ATP13A3: variants seen among roughly 807,000 people sequenced by gnomAD.
ATP13A3 encodes polyamine-transporting ATPase 13A3.
Under a neutral mutation model 158.1 loss-of-function variants are expected in ATP13A3, and 59 were observed. The observed-to-expected ratio is 0.37, with a 90% CI of 0.30 to 0.46. ATP13A3 has a LOEUF of 0.46. ATP13A3 is among the 20% of genes least tolerant of loss of function. ATP13A3 has a pLI of 1.00. For synonymous variants in ATP13A3, 491 were observed against 504.3 expected, an observed-to-expected ratio of 0.97 and a Z score of 0.35; for missense variants, 1,166 against 1,525.2, an observed-to-expected ratio of 0.76 and a Z score of 3.92.
chr3:194,492,889 A>G (rs1311833650), intron 2 of ATP13A3, among the ~76,000 whole-genome samples: 3 of 152,194 alleles, frequency 2.0e-5, no homozygotes, highest in Non-Finnish European at 2.9e-5. Context: ...ACACTTATGT[A>G]AGATTGAAAA....
chr3:194,460,208 T>C (rs1487430683), intron 4 of ATP13A3, among the ~76,000 whole-genome samples: 1 of 152,170 alleles, frequency 6.6e-6, no homozygotes, highest in South Asian at 2.1e-4. Context: ...CAATACTTCA[T>C]AAAATATCAT....
intron 2 of ATP13A3, among the ~76,000 whole-genome samples, chr3:194,469,324 G>T (rs9846638): frequency 0.11 from 15,992 of 151,912 alleles, 1,406 homozygotes; most frequent in African/African-American, 0.24. Context: ...CAGGTGTGGT[G>T]GTGCATATCT....
intron 7 of ATP13A3, among the ~76,000 whole-genome samples, chr3:194,456,848 C>T (rs1399038679): frequency 2.6e-5 from 4 of 152,094 alleles, no homozygotes; most frequent in Non-Finnish European, 4.4e-5. Context: ...AAAACGTGCA[C>T]CTGGGAACTG....
intron 2 of ATP13A3, among the ~76,000 whole-genome samples, chr3:194,477,738 C>T (rs1720586812): frequency 6.6e-6 from 1 of 152,082 alleles, no homozygotes; most frequent in Admixed American, 6.6e-5. Context: ...AAAGACTGGC[C>T]CAGAAGCATC....
intron 11 of ATP13A3, among the ~76,000 whole-genome samples, chr3:194,449,338 T>C (rs1718637943): frequency 6.6e-6 from 1 of 152,004 alleles, no homozygotes; most frequent in South Asian, 2.1e-4. Context: ...ATAAATCATT[T>C]TCTAGCCAGA....
intron 9 of ATP13A3, 22 bp downstream of exon 9, chr3:194,454,236 C>T (rs767438327): frequency 6.3e-7 from 1 of 1,579,774 alleles, no homozygotes; most frequent in Non-Finnish European, 8.7e-7. Context: ...AGTTGTGAAA[C>T]CCATAATAAA....
At chr3:194,411,556 C>G (rs770197253) in intron 33 of ATP13A3, among the ~76,000 whole-genome samples, 1 of 152,188 alleles carries the variant, frequency 6.6e-6, no homozygotes, top group Admixed American at 6.5e-5. Flanking sequence ...TGTTTCTCTT[C>G]TCTCTTTACC....
chr3:194,426,645 C>T (rs1369852514), intron 29 of ATP13A3, among the ~76,000 whole-genome samples: 2 of 152,070 alleles, frequency 1.3e-5, no homozygotes, highest in Non-Finnish European at 1.5e-5. Flanking sequence ...CAGGCGTGAC[C>T]GTGATATACA....
chr3:194,482,989 C>T (rs571213634), intron 2 of ATP13A3, among the ~76,000 whole-genome samples: 1 of 152,076 alleles, frequency 6.6e-6, no homozygotes, highest in South Asian at 2.1e-4. Context: ...CACCTGTAAT[C>T]CCAGCTACTC....
At chr3:194,424,299 T>TA (rs1257720478) in intron 30 of ATP13A3, 2 of 151,694 alleles carry the variant, frequency 1.3e-5, no homozygotes, top group East Asian at 3.9e-4. Context: ...TATATAACAA[T>TA]AAATAAGTAA....
At chr3:194,474,791 C>T (rs1474528106) in intron 2 of ATP13A3, among the ~76,000 whole-genome samples, 1 of 152,186 alleles carries the variant, frequency 6.6e-6, no homozygotes, top group Non-Finnish European at 1.5e-5. Flanking sequence ...CAAGACACTG[C>T]TTAGATACAA....
chr3:194,453,626 A>G, intron 10 of ATP13A3, 80 bp downstream of exon 10: 1 of 1,066,102 alleles, frequency 9.4e-7, no homozygotes, highest in East Asian at 2.4e-5. Flanking sequence ...ATGTATATGT[A>G]TTATACTTTG....
chr3:194,413,935 G>C (rs1301327778), intron 31 of ATP13A3, 96 bp from the exon 32 acceptor site: 2 of 1,010,668 alleles, frequency 2.0e-6, no homozygotes, highest in Non-Finnish European at 3.1e-6. Flanking sequence ...TTCCTATGAT[G>C]TACCAAACAC....
Position 194,454,394 on chromosome 3 carries a change from T to TA in ATP13A3, c.631-3dup, listed in dbSNP as rs1193503140. The TA allele has an allele frequency of 2.5e-6, 4 of 1,608,082 alleles. No homozygotes were observed. Among genetic ancestry groups the TA allele is most frequent in the African/African-American group, 1.3e-5 (1 of 74,690 alleles). ...GAAAATGTAAAATGGGTTGAGAACC[T>TA]AAAAAACAAGATTTTAAAGTCAAAC... On this transcript the variant is annotated splice_region_variant and splice_polypyrimidine_tract_variant and intron_variant, in intron 8 of 33. Transcript: ENST00000645319.
chr3:194,429,894 C>T (rs1421180655), intron 26 of ATP13A3, 120 bp from the exon 27 acceptor site: 2 of 1,040,482 alleles, frequency 1.9e-6, no homozygotes, highest in African/African-American at 3.2e-5. Flanking sequence ...AAGTGCTTAT[C>T]CACCAAAAGA....
At chr3:194,475,703 A>C (rs1031376585) in intron 2 of ATP13A3, among the ~76,000 whole-genome samples, 2 of 152,236 alleles carry the variant, frequency 1.3e-5, no homozygotes, top group East Asian at 3.9e-4. Flanking sequence ...ACTATCCAGG[A>C]TTTAAAAAAA....
intron 10 of ATP13A3, chr3:194,450,579 T>C (rs1718737562): frequency 3.2e-6 from 1 of 311,850 alleles, no homozygotes; most frequent in Non-Finnish European, 6.2e-6. Context: ...ATGGTGACTA[T>C]TAGCCTAAGG....
chr3:194,449,398 G>A (rs1280989864), intron 11 of ATP13A3, among the ~76,000 whole-genome samples: 1 of 152,160 alleles, frequency 6.6e-6, no homozygotes, highest in Non-Finnish European at 1.5e-5. Flanking sequence ...ATAAGATATT[G>A]GACAGGCACA....
At chr3:194,450,787 ACT>A (rs1445108139) in intron 10 of ATP13A3, 2 of 152,516 alleles carry the variant, frequency 1.3e-5, no homozygotes, top group South Asian at 2.1e-4. Context: ...TTCCTAAATT[ACT>A]CTTTTTAGAT....
Sources: gnomAD v4.1 joint callset for allele counts (sites outside exome capture counted in the v4.1 genomes callset) on GRCh38, gnomAD v4.1.1 for gene constraint, MANE v1.5 for transcripts, NCBI Gene and HGNC (gene_info 2026-07-23, HGNC 2026-07-21) for gene names.